Variants in OTOA observed in about 807,000 individuals in gnomAD.
The protein encoded by OTOA is cancer/testis antigen 108.
A neutral mutation model predicts 110.8 loss-of-function variants in OTOA; 70 were observed. The ratio of observed to expected loss-of-function variants is 0.63; its 90% CI spans 0.52 to 0.77. OTOA has a LOEUF of 0.77. Ranked by LOEUF, OTOA falls within the 30% of genes least tolerant of loss-of-function variation. The pLI, the probability that OTOA is intolerant of heterozygous loss-of-function variation, is 0.00. For missense variants in OTOA, 917 were observed against 1,075.8 expected, an observed-to-expected ratio of 0.85 and a Z score of 2.06; for synonymous variants, 373 against 431.5, an observed-to-expected ratio of 0.86 and a Z score of 1.68.
chr16:21,743,496 G>T (rs947512790), intron 23 of OTOA, among the ~76,000 whole-genome samples: 1 of 151,454 alleles, frequency 6.6e-6, no homozygotes, highest in African/African-American at 2.4e-5. Flanking sequence ...AATTCCCAGA[G>T]GTGGAATTTC....
At chr16:21,688,772 C>T (rs1897772065) in intron 8 of OTOA, among the ~76,000 whole-genome samples, 2 of 152,074 alleles carry the variant, frequency 1.3e-5, no homozygotes, top group Non-Finnish European at 1.5e-5. Flanking sequence ...ACCTAATCAC[C>T]TCCTCAAAAC....
chr16:21,676,899 G>A (rs1000165816), intron 1 of OTOA, among the ~76,000 whole-genome samples: 6 of 152,124 alleles, frequency 3.9e-5, no homozygotes, highest in African/African-American at 1.4e-4. Context: ...CCTTGCTCAG[G>A]GATCTCAGTC....
At chr16:21,664,920 C>T (rs754942794) in intron 1 of OTOA, among the ~76,000 whole-genome samples, 1 of 151,564 alleles carries the variant, frequency 6.6e-6, no homozygotes, top group Non-Finnish European at 1.5e-5. Flanking sequence ...TGCAGTGAGC[C>T]GAGATCAGGC....
chr16:21,719,957 CTTT>C (rs761325846), intron 17 of OTOA, among the ~76,000 whole-genome samples: 6 of 136,504 alleles, frequency 4.4e-5, no homozygotes, highest in South Asian at 4.8e-4. Context: ...TAACTGATTT[CTTT>C]TTTTTTTTTT....
chr16:21,685,599 G>A (rs1237884741), intron 7 of OTOA, among the ~76,000 whole-genome samples: 1 of 152,156 alleles, frequency 6.6e-6, no homozygotes, highest in East Asian at 1.9e-4. Flanking sequence ...GTCTCACTCT[G>A]TCACTCAGGC....
intron 1 of OTOA, among the ~76,000 whole-genome samples, 176 bp downstream of exon 1, chr16:21,664,408 T>C (rs1354043375): frequency 1.3e-5 from 2 of 150,744 alleles, no homozygotes; most frequent in East Asian, 3.9e-4. Flanking sequence ...TAAGGGCTCC[T>C]GGGATTGGAG....
intron 11 of OTOA, among the ~76,000 whole-genome samples, chr16:21,702,420 C>T (rs1161587591): frequency 6.6e-6 from 1 of 152,172 alleles, no homozygotes; most frequent in Non-Finnish European, 1.5e-5. Context: ...TAGCATGTGT[C>T]TCATTTTTCT....
At position 21,726,556 on chromosome 16, in the gene OTOA, G is replaced by C. The variant is rs925681320; in HGVS notation, c.1914G>C (p.Gln638His). 1 of 1,614,060 alleles carries C rather than the reference G, an allele frequency of 6.2e-7. No homozygotes were observed. The highest frequency in any genetic ancestry group is 8.5e-7 in the Non-Finnish European group (1 of 1,180,018). The change falls in exon 19 of 29, where the codon CAG becomes CAC. Residue 638 changes from glutamine to histidine, a missense_variant. This residue lies in a region of OTOA where 840 missense variants were observed against 910.2 expected (regional missense o/e 0.92). Coordinates refer to ENST00000646100, the MANE Select transcript of OTOA (RefSeq NM_144672.4). ...ARYLASVPAS[Q>H]CVPFLISLGK... ...ACCTGGCTTCTGTCCCAGCCTCCCA[G>C]TGTGTGCCCTTTCTGATCAGCCTGG...
chr16:21,697,671 A>C, intron 9 of OTOA, 104 bp from the exon 10 acceptor site: 1 of 1,033,296 alleles, frequency 9.7e-7, no homozygotes, highest in Non-Finnish European at 1.5e-6. Context: ...TAATGAATGC[A>C]AGAAGTAGGT....
chr16:21,705,704 T>C (rs1418071378), intron 12 of OTOA, among the ~76,000 whole-genome samples: 1 of 152,110 alleles, frequency 6.6e-6, no homozygotes, highest in Non-Finnish European at 1.5e-5. Flanking sequence ...CCCAGCACTT[T>C]GGGAGGCCAA....
At chr16:21,731,349 C>T (rs560357693) in intron 21 of OTOA, among the ~76,000 whole-genome samples, 5 of 152,318 alleles carry the variant, frequency 3.3e-5, no homozygotes, top group South Asian at 2.1e-4. Flanking sequence ...TTGGGCATGA[C>T]GCTTTTCTAG....
intron 9 of OTOA, among the ~76,000 whole-genome samples, chr16:21,695,867 A>AT (rs1491166524): frequency 3.3e-5 from 2 of 60,418 alleles, no homozygotes; most frequent in South Asian, 1.5e-3. Flanking sequence ...TAGACTTGAG[A>AT]TATATATATA....
chr16:21,749,831 G>A (rs1435021763), intron 24 of OTOA, among the ~76,000 whole-genome samples: 5 of 136,530 alleles, frequency 3.7e-5, no homozygotes, highest in Admixed American at 1.5e-4. Flanking sequence ...CCACAGGCAC[G>A]TGCCACCATG....
chr16:21,728,067 G>A (rs1190926622), intron 19 of OTOA, among the ~76,000 whole-genome samples, 174 bp from the exon 20 acceptor site: 1 of 152,094 alleles, frequency 6.6e-6, no homozygotes, highest in African/African-American at 2.4e-5. Context: ...GTTTCACCAT[G>A]TTGGCCAGGC....
rs1199548257 is a variant in OTOA at position 21,718,034 on chromosome 16, G to A, written c.1629+987G>A. 2.0e-5 allele frequency among the ~76,000 whole-genome samples: 3 copies of A among 152,140 alleles called. No homozygotes were observed. The East Asian group carries it at 5.8e-4, about 29-fold the overall frequency. On this transcript the variant is annotated intron_variant, in intron 15 of 28. Coordinates refer to ENST00000646100, the MANE Select transcript of OTOA (RefSeq NM_144672.4). ...TGCAGTGGCACAATCTTGGCTCACTGTAACCTCCTCCTCCTGAGTTCAAGC... is the reference window on the plus strand; with the variant it reads ...TGCAGTGGCACAATCTTGGCTCACTATAACCTCCTCCTCCTGAGTTCAAGC...
intron 6 of OTOA, among the ~76,000 whole-genome samples, chr16:21,682,224 G>T (rs1183999987): frequency 6.6e-6 from 1 of 152,148 alleles, no homozygotes; most frequent in African/African-American, 2.4e-5. Context: ...ATCTCCTGGG[G>T]AGTTATTGCC....
At chr16:21,716,674 C>T (rs976998762) in intron 14 of OTOA, among the ~76,000 whole-genome samples, 31 of 152,142 alleles carry the variant, frequency 2.0e-4, no homozygotes, top group African/African-American at 6.7e-4. Context: ...ATAAGGAGCA[C>T]GGGTTTTGGA....
Position 21,679,182 on chromosome 16 carries a change from A to T in OTOA, c.152-2A>T. The T allele has an allele frequency of 6.2e-7, 1 of 1,613,816 alleles. No individual in the cohort carries two copies. Among genetic ancestry groups the T allele is most frequent in the Non-Finnish European group, 8.5e-7 (1 of 1,179,902 alleles). On this transcript the variant is annotated splice_acceptor_variant, in intron 4 of 28. Transcript: ENST00000646100. LOFTEE classifies it high-confidence loss of function. ...TGTCTTTTCATTTTACTCCCATTGT[A>T]GCACTGCTGGATCTCATACAGTTTC...
At chr16:21,701,136 A>C (rs1898045420) in intron 11 of OTOA, 109 bp downstream of exon 11, 1 of 1,488,150 alleles carries the variant, frequency 6.7e-7, no homozygotes. Flanking sequence ...TGGCTGGTCC[A>C]TCTCTTTGAA....
Sources: allele counts gnomAD v4.1 joint callset (sites outside exome capture counted in the v4.1 genomes callset), GRCh38; gene constraint gnomAD v4.1.1; regional missense constraint gnomAD v4.1.1; transcripts MANE v1.5; gene names NCBI Gene and HGNC (gene_info 2026-07-23, HGNC 2026-07-21).